Variants in DDAH1 observed in about 807,000 individuals in gnomAD.
DDAH1 encodes N(G),N(G)-dimethylarginine dimethylaminohydrolase 1.
A neutral mutation model predicts 28.8 loss-of-function variants in DDAH1; 19 were observed. The ratio of observed to expected loss-of-function variants is 0.66; its 90% CI spans 0.46 to 0.97. The LOEUF (loss-of-function observed/expected upper bound fraction) is 0.97, where lower values mean the gene tolerates loss of function less well. DDAH1 is among the 50% of genes least tolerant of loss of function. DDAH1 has a pLI of 0.00. For synonymous variants in DDAH1, 153 were observed against 154.4 expected (o/e 0.99, Z 0.07); for missense variants, 326 against 375.9 (o/e 0.87, Z 1.10).
intron 1 of DDAH1, among the ~76,000 whole-genome samples, chr1:85,568,187 T>G (rs1659359481): frequency 6.6e-6 from 1 of 152,202 alleles, no homozygotes; most frequent in Non-Finnish European, 1.5e-5. Flanking sequence ...GAGGGAAATT[T>G]ATAGCATTAA....
intron 1 of DDAH1, among the ~76,000 whole-genome samples, chr1:85,364,076 G>C (rs1332598363): frequency 2.6e-5 from 4 of 151,934 alleles, no homozygotes; most frequent in Admixed American, 1.3e-4. Flanking sequence ...AAGAAGAAAG[G>C]GTAGATATTA....
intron 1 of DDAH1, among the ~76,000 whole-genome samples, chr1:85,520,674 T>C (rs1394604291): frequency 6.6e-6 from 1 of 152,148 alleles, no homozygotes; most frequent in African/African-American, 2.4e-5. Flanking sequence ...GACGGAACAA[T>C]TCAGATAGGA....
At chr1:85,575,009 A>G (rs1659562779) in intron 1 of DDAH1, among the ~76,000 whole-genome samples, 1 of 152,088 alleles carries the variant, frequency 6.6e-6, no homozygotes, top group Non-Finnish European at 1.5e-5. Flanking sequence ...GGAGGCCGAG[A>G]TGGGCAGATC....
intron 4 of DDAH1, among the ~76,000 whole-genome samples, chr1:85,345,550 C>G (rs1648792414): frequency 6.6e-6 from 1 of 152,080 alleles, no homozygotes; most frequent in Admixed American, 6.6e-5. Context: ...TAATGTCTTC[C>G]TTTCTTCTTT....
intron 1 of DDAH1, chr1:85,404,324 G>A (rs1652299982): frequency 6.6e-7 from 1 of 1,511,042 alleles, no homozygotes; most frequent in Non-Finnish European, 8.9e-7. Flanking sequence ...GATTGCAGTT[G>A]ACAAAGCCTG....
At chr1:85,346,230 C>T (rs2100832897) in intron 4 of DDAH1, among the ~76,000 whole-genome samples, 1 of 152,302 alleles carries the variant, frequency 6.6e-6, no homozygotes. Flanking sequence ...GCACAATTCA[C>T]CTCTGTTTAA....
rs1338217133 is a variant in DDAH1, at chr1:85,320,064, A to G, written c.*1388T>C. Reference sequence around the variant, plus strand: ...AAGGTGGAGATGACTAGGAAGTGTGATAATGTGCCTGGATCAGTTACCATT... The same window carrying G: ...AAGGTGGAGATGACTAGGAAGTGTGGTAATGTGCCTGGATCAGTTACCATT... On this transcript the variant is annotated 3_prime_UTR_variant, in exon 6 of 6. Transcript: ENST00000284031. 1.3e-5 allele frequency: 2 copies of G among 152,250 alleles called. No individual in the cohort carries two copies. Among genetic ancestry groups the G allele is most frequent in the African/African-American group, 2.4e-5 (1 of 41,464 alleles). The allele number at this position is 152,250 out of a possible 1,614,324, so 9.4% of individuals were successfully genotyped here.
chr1:85,321,441 G>C lies in DDAH1; in HGVS notation c.*11C>G, dbSNP rs116870917. On this transcript the variant is annotated 3_prime_UTR_variant, in exon 6 of 6. Transcript: ENST00000284031. Reference sequence around the variant, plus strand: ...TGCGGTCTTGCCGGCTACCGGGGGGGACTCTGCAGCTCAGGAGTCTACTTT... The same window carrying C: ...TGCGGTCTTGCCGGCTACCGGGGGGCACTCTGCAGCTCAGGAGTCTACTTT... 4.4e-6 allele frequency: 7 copies of C among 1,588,408 alleles called. No homozygotes were observed. The highest frequency in any genetic ancestry group is 6.1e-6 in the Non-Finnish European group (7 of 1,156,788).
intron 4 of DDAH1, among the ~76,000 whole-genome samples, chr1:85,346,682 C>G (rs1383913437): frequency 6.6e-6 from 1 of 152,152 alleles, no homozygotes; most frequent in African/African-American, 2.4e-5. Flanking sequence ...ATATTTGTCT[C>G]TATTCATCTG....
Position 85,345,693 on chromosome 1 carries a change from C to T in DDAH1, c.597+4722G>A, listed in dbSNP as rs552298388. On this transcript the variant is annotated intron_variant, in intron 4 of 5. Coordinates refer to ENST00000284031, the MANE Select transcript of DDAH1 (RefSeq NM_012137.4). ...CAGCCTGGCCAACACGGTGAAACCC[C>T]ATCTCTACTAAAAATTCAAAAATTA... Among the ~76,000 whole-genome samples, 7 of 152,184 alleles carry T rather than the reference C, an allele frequency of 4.6e-5. No individual in the cohort carries two copies. The South Asian group carries it at 1.5e-3, about 32-fold the overall frequency.
intron 1 of DDAH1, among the ~76,000 whole-genome samples, chr1:85,362,562 T>A (rs1001318033): frequency 1.3e-5 from 2 of 152,196 alleles, no homozygotes; most frequent in African/African-American, 2.4e-5. Context: ...CCTTTAGACC[T>A]TCATGGTGAG....
chr1:85,421,632 T>C (rs754876976), intron 1 of DDAH1, among the ~76,000 whole-genome samples: 4 of 152,202 alleles, frequency 2.6e-5, no homozygotes, highest in Non-Finnish European at 5.9e-5. Context: ...CCTGAGCCCC[T>C]GATCTTTTCA....
intron 1 of DDAH1, among the ~76,000 whole-genome samples, chr1:85,527,603 TG>T (rs1303873913): frequency 2.0e-5 from 3 of 152,230 alleles, no homozygotes; most frequent in Non-Finnish European, 4.4e-5. Flanking sequence ...TTCTGGATTC[TG>T]TGCATCACAC....
intron 1 of DDAH1, among the ~76,000 whole-genome samples, chr1:85,534,412 T>C (rs1658197578): frequency 6.6e-6 from 1 of 152,162 alleles, no homozygotes; most frequent in African/African-American, 2.4e-5. Flanking sequence ...TAGTGTGATT[T>C]GAAATGTCTG....
intron 1 of DDAH1, among the ~76,000 whole-genome samples, chr1:85,377,866 T>C (rs1423323709): frequency 6.6e-6 from 1 of 152,124 alleles, no homozygotes; most frequent in Non-Finnish European, 1.5e-5. Context: ...AATTGGAAAA[T>C]ATATAGTACA....
intron 1 of DDAH1, among the ~76,000 whole-genome samples, chr1:85,440,975 T>G (rs1337151600): frequency 6.6e-6 from 1 of 152,244 alleles, no homozygotes; most frequent in East Asian, 1.9e-4. Context: ...CAAGGCTCAA[T>G]GGCATCAACC....
At chr1:85,403,793 G>A (rs1652270117) in intron 1 of DDAH1, among the ~76,000 whole-genome samples, 1 of 152,278 alleles carries the variant, frequency 6.6e-6, no homozygotes, top group East Asian at 1.9e-4. Flanking sequence ...CCATTAATCT[G>A]TAATTTAACA....
At chr1:85,496,534 A>G (rs530102114) in intron 1 of DDAH1, among the ~76,000 whole-genome samples, 1 of 152,358 alleles carries the variant, frequency 6.6e-6, no homozygotes, top group East Asian at 1.9e-4. Flanking sequence ...GATGTTCTGT[A>G]CATAGAGTCG....
At chr1:85,355,184 A>G (rs1649428064) in intron 2 of DDAH1, among the ~76,000 whole-genome samples, 1 of 152,168 alleles carries the variant, frequency 6.6e-6, no homozygotes, top group South Asian at 2.1e-4. Context: ...GAACGCATCA[A>G]AACTGACTCA....
Sources: gnomAD v4.1 joint callset for allele counts (sites outside exome capture counted in the v4.1 genomes callset) on GRCh38, gnomAD v4.1.1 for gene constraint, MANE v1.5 for transcripts, NCBI Gene and HGNC (gene_info 2026-07-23, HGNC 2026-07-21) for gene names.